TBX20: variants seen among roughly 807,000 people sequenced by gnomAD.
TBX20 encodes the protein T-box transcription factor 20.
In TBX20, 8 loss-of-function variants were observed where a neutral mutation model predicts 42.9. The ratio of observed to expected loss-of-function variants is 0.19; its 90% CI spans 0.11 to 0.34. TBX20 has a LOEUF of 0.34. Ranked by LOEUF, TBX20 falls within the 10% of genes least tolerant of loss-of-function variation. TBX20 has a pLI of 1.00. For missense variants in TBX20, 411 were observed against 566.0 expected (o/e 0.73, Z 2.78); for synonymous variants, 198 against 222.8 (o/e 0.89, Z 0.99).
chr7:35,231,242 C>A (rs1444380436), intron 6 of TBX20, among the ~76,000 whole-genome samples: 2 of 152,162 alleles, frequency 1.3e-5, no homozygotes, highest in African/African-American at 2.4e-5. Context: ...TCTTTAATAA[C>A]AACAAAGCCC....
In TBX20 at chr7:35,253,680, C is replaced by G. The variant is rs1370333802; in HGVS notation, c.-60G>C. 6 of 1,584,898 alleles carry G rather than the reference C, an allele frequency of 3.8e-6. No homozygotes were observed. Among genetic ancestry groups the G allele is most frequent in the Non-Finnish European group, 5.1e-6 (6 of 1,168,508 alleles). ...TCGTCCGAACTGCCGTCCAGATTCC[C>G]CAAGGGAGACAAAGACCCGAAACAC... is the stretch of plus-strand genomic sequence containing the variant. On this transcript the variant is annotated 5_prime_UTR_variant, in exon 1 of 8. Coordinates refer to ENST00000408931, the MANE Select transcript of TBX20 (RefSeq NM_001077653.2).
intron 6 of TBX20, among the ~76,000 whole-genome samples, chr7:35,204,806 G>A (rs1789373371): frequency 6.6e-6 from 1 of 152,070 alleles, no homozygotes; most frequent in Non-Finnish European, 1.5e-5. Flanking sequence ...TGACTGACTA[G>A]GACAAGGACA....
chr7:35,226,637 G>A (rs1431615723), intron 6 of TBX20, among the ~76,000 whole-genome samples: 1 of 152,022 alleles, frequency 6.6e-6, no homozygotes, highest in Non-Finnish European at 1.5e-5. Context: ...AGCCCACAAC[G>A]TTTCACATAT....
chr7:35,233,387 G>A (rs1383923242), intron 5 of TBX20, among the ~76,000 whole-genome samples: 1 of 152,212 alleles, frequency 6.6e-6, no homozygotes, highest in Non-Finnish European at 1.5e-5. Context: ...TGAGCAGTTA[G>A]AAGAAAATAG....
At chr7:35,227,492 T>A (rs1345949624) in intron 6 of TBX20, among the ~76,000 whole-genome samples, 1 of 152,160 alleles carries the variant, frequency 6.6e-6, no homozygotes, top group African/African-American at 2.4e-5. Context: ...TTTAGGTACA[T>A]AAATACCTAC....
intron 3 of TBX20, among the ~76,000 whole-genome samples, chr7:35,245,767 C>CA (rs1034050396): frequency 2.6e-5 from 4 of 151,640 alleles, no homozygotes; most frequent in South Asian, 2.1e-4. Flanking sequence ...CAGTGTAAGC[C>CA]AAAAAAAAGC....
intron 4 of TBX20, 62 bp downstream of exon 4, chr7:35,244,887 G>T: frequency 8.2e-7 from 1 of 1,220,082 alleles, no homozygotes; most frequent in Non-Finnish European, 1.2e-6. Flanking sequence ...GAGAGAGACA[G>T]TTTTGTGCGA....
intron 7 of TBX20, 80 bp from the exon 8 acceptor site, chr7:35,202,850 T>A: frequency 1.3e-6 from 2 of 1,533,936 alleles, no homozygotes; most frequent in Non-Finnish European, 1.8e-6. Context: ...TAAAGATCAA[T>A]TTGTGTTTAA....
chr7:35,212,411 A>G (rs1228540339), intron 6 of TBX20, among the ~76,000 whole-genome samples: 2 of 152,186 alleles, frequency 1.3e-5, no homozygotes, highest in African/African-American at 4.8e-5. Flanking sequence ...TCTCTTCACT[A>G]TGGGTCATGT....
chr7:35,225,703 A>G (rs1789758225), intron 6 of TBX20, among the ~76,000 whole-genome samples: 1 of 152,238 alleles, frequency 6.6e-6, no homozygotes, highest in African/African-American at 2.4e-5. Flanking sequence ...CACTGTAAAG[A>G]TATCGATTTT....
chr7:35,245,231 C>T (rs1319369575), intron 3 of TBX20, among the ~76,000 whole-genome samples, 174 bp from the exon 4 acceptor site: 1 of 151,832 alleles, frequency 6.6e-6, no homozygotes, highest in African/African-American at 2.4e-5. Flanking sequence ...TGAAAAATGT[C>T]TAATTATTTC....
At chr7:35,237,565 T>C (rs1027928232) in intron 5 of TBX20, among the ~76,000 whole-genome samples, 1 of 151,690 alleles carries the variant, frequency 6.6e-6, no homozygotes, top group Admixed American at 6.6e-5. Flanking sequence ...GGAAGTACGT[T>C]TGCATATAGA....
intron 6 of TBX20, among the ~76,000 whole-genome samples, chr7:35,206,919 TA>T (rs1789409985): frequency 1.3e-5 from 2 of 152,238 alleles, no homozygotes; most frequent in Admixed American, 6.5e-5. Flanking sequence ...TTTATTCACT[TA>T]TTGATGGATA....
chr7:35,205,934 G>A (rs570446565), intron 6 of TBX20, among the ~76,000 whole-genome samples: 15 of 152,144 alleles, frequency 9.9e-5, no homozygotes, highest in Non-Finnish European at 2.1e-4. Flanking sequence ...GTATAGATAT[G>A]GAATAATTTT....
At chr7:35,247,246 C>T (rs1338087161) in intron 3 of TBX20, among the ~76,000 whole-genome samples, 5 of 140,722 alleles carry the variant, frequency 3.6e-5, no homozygotes, top group African/African-American at 1.1e-4. Context: ...AGGTTTAAAA[C>T]GGTATTGAAA....
At chr7:35,247,776 A>T (rs1375586470) in intron 3 of TBX20, among the ~76,000 whole-genome samples, 1 of 152,202 alleles carries the variant, frequency 6.6e-6, no homozygotes, top group African/African-American at 2.4e-5. Context: ...AAACAACAAA[A>T]ATTAGTCATT....
chr7:35,248,939 G>A (rs1790251605), intron 2 of TBX20, 98 bp from the exon 3 acceptor site: 1 of 1,435,022 alleles, frequency 7.0e-7, no homozygotes, highest in Non-Finnish European at 9.7e-7. Flanking sequence ...AGGAGGGAAA[G>A]GGTCTGACTC....
intron 6 of TBX20, among the ~76,000 whole-genome samples, chr7:35,229,669 T>C (rs970371768): frequency 6.6e-6 from 1 of 152,174 alleles, no homozygotes; most frequent in Admixed American, 6.5e-5. Context: ...CCTCCTATCT[T>C]GTAAACCAAT....
intron 5 of TBX20, among the ~76,000 whole-genome samples, chr7:35,234,582 G>A (rs1196786964): frequency 4.6e-5 from 7 of 152,152 alleles, no homozygotes; most frequent in Non-Finnish European, 8.8e-5. Flanking sequence ...AGGAGTATCA[G>A]TGGAAATTTC....
Sources: gnomAD v4.1 joint callset for allele counts (sites outside exome capture counted in the v4.1 genomes callset) on GRCh38, gnomAD v4.1.1 for gene constraint, MANE v1.5 for transcripts, NCBI Gene and HGNC (gene_info 2026-07-23, HGNC 2026-07-21) for gene names.